SCAPER: variants seen among roughly 807,000 people sequenced by gnomAD.
The protein encoded by SCAPER is S phase cyclin A-associated protein in the endoplasmic reticulum.
In SCAPER, 98 loss-of-function variants were observed where a neutral mutation model predicts 182.2. The ratio of observed to expected loss-of-function variants is 0.54; its 90% CI spans 0.46 to 0.64. SCAPER has a LOEUF of 0.64. Ranked by LOEUF, SCAPER falls within the 30% of genes least tolerant of loss-of-function variation. The pLI, the probability that SCAPER is intolerant of heterozygous loss-of-function variation, is 0.00. For missense variants in SCAPER, 1,432 were observed against 1,690.0 expected (o/e 0.85, Z 2.68); for synonymous variants, 605 against 564.6 (o/e 1.07, Z -1.01).
chr15:76,823,349 A>G (rs1474205668), intron 5 of SCAPER, among the ~76,000 whole-genome samples: 1 of 151,996 alleles, frequency 6.6e-6, no homozygotes, highest in African/African-American at 2.4e-5. Flanking sequence ...AATCCCAGCT[A>G]CTCGGGAGGC....
chr15:76,889,157 T>C (rs1055393228), intron 1 of SCAPER, among the ~76,000 whole-genome samples: 1 of 152,182 alleles, frequency 6.6e-6, no homozygotes, highest in Non-Finnish European at 1.5e-5. Context: ...AGGCCTGCCT[T>C]ATAAGAGCTC....
At chr15:76,661,642 T>C (rs1422627884) in intron 21 of SCAPER, among the ~76,000 whole-genome samples, 1 of 152,080 alleles carries the variant, frequency 6.6e-6, no homozygotes, top group Non-Finnish European at 1.5e-5. Flanking sequence ...TACCATCTCA[T>C]GCCGGTCAGA....
At chr15:76,854,152 C>A (rs977711651) in intron 4 of SCAPER, among the ~76,000 whole-genome samples, 15 of 151,964 alleles carry the variant, frequency 9.9e-5, no homozygotes, top group Non-Finnish European at 4.4e-5. Flanking sequence ...ACCTGTAGTC[C>A]CAGCTACTCA....
chr15:76,627,279 T>TA (rs1432084334), intron 21 of SCAPER, among the ~76,000 whole-genome samples: 4 of 152,256 alleles, frequency 2.6e-5, no homozygotes, highest in African/African-American at 9.6e-5. Context: ...CTATTTTTTT[T>TA]ATCTTTATAA....
chr15:76,737,426 GTAAACAATGCTA>G (rs1282255870), intron 15 of SCAPER, among the ~76,000 whole-genome samples: 4 of 152,212 alleles, frequency 2.6e-5, no homozygotes, highest in Non-Finnish European at 5.9e-5. Context: ...AAAATATTCA[GTAAACAATGCTA>G]TAAACAGATG....
At chr15:76,711,171 T>C (rs1241010233) in intron 17 of SCAPER, among the ~76,000 whole-genome samples, 1 of 152,146 alleles carries the variant, frequency 6.6e-6, no homozygotes, top group East Asian at 1.9e-4. Flanking sequence ...ATGAAAACCA[T>C]TGTATATAAA....
At chr15:76,370,004 G>A (rs1012914610) in intron 29 of SCAPER, among the ~76,000 whole-genome samples, 76 of 152,300 alleles carry the variant, frequency 5.0e-4, no homozygotes, top group Middle Eastern at 3.4e-3. Context: ...TAATAGTGAG[G>A]AGCCAAAGTA....
At chr15:76,374,487 GC>G (rs1289033194) in intron 29 of SCAPER, among the ~76,000 whole-genome samples, 2 of 145,806 alleles carry the variant, frequency 1.4e-5, no homozygotes, top group Admixed American at 6.7e-5. Context: ...TGAGTAGGGG[GC>G]TTTTTTTTTT....
At chr15:76,881,714 A>AG (rs1397983814) in intron 2 of SCAPER, among the ~76,000 whole-genome samples, 1 of 152,188 alleles carries the variant, frequency 6.6e-6, no homozygotes, top group Non-Finnish European at 1.5e-5. Flanking sequence ...GTACAGGAGC[A>AG]GGGGGTGAAG....
intron 21 of SCAPER, among the ~76,000 whole-genome samples, chr15:76,651,759 C>G (rs1312831957): frequency 1.3e-5 from 2 of 150,228 alleles, no homozygotes; most frequent in South Asian, 2.2e-4. Context: ...CTCTCCCTAT[C>G]TCATTCTATG....
At chr15:76,451,700 A>ACC (rs1336356537) in intron 25 of SCAPER, among the ~76,000 whole-genome samples, 1 of 152,156 alleles carries the variant, frequency 6.6e-6, no homozygotes, top group Non-Finnish European at 1.5e-5. Flanking sequence ...ATCTCATAAA[A>ACC]CCCCAAGAGG....
chr15:76,485,970 G>C (rs3097984), intron 24 of SCAPER, among the ~76,000 whole-genome samples: 1 of 152,134 alleles, frequency 6.6e-6, no homozygotes, highest in African/African-American at 2.4e-5. Flanking sequence ...TCCTTTGGGA[G>C]GCCGAGGTGG....
intron 22 of SCAPER, among the ~76,000 whole-genome samples, chr15:76,607,616 C>T (rs2050558953): frequency 1.3e-5 from 2 of 152,168 alleles, no homozygotes; most frequent in South Asian, 2.1e-4. Flanking sequence ...GAGTGTTTTC[C>T]AACTTGGTTC....
At chr15:76,755,672 C>A (rs1483131366) in intron 14 of SCAPER, among the ~76,000 whole-genome samples, 1 of 152,106 alleles carries the variant, frequency 6.6e-6, no homozygotes, top group Non-Finnish European at 1.5e-5. Flanking sequence ...GGACTGTGAC[C>A]AAAAGAATAC....
At chr15:76,472,479 C>A (rs1177956450) in intron 24 of SCAPER, 2 of 415,804 alleles carry the variant, frequency 4.8e-6, no homozygotes, top group African/African-American at 2.1e-5. Context: ...TTTACTCCTG[C>A]CTCAGCTTCA....
At chr15:76,431,261 G>T (rs2046840257) in intron 26 of SCAPER, among the ~76,000 whole-genome samples, 1 of 146,774 alleles carries the variant, frequency 6.8e-6, no homozygotes, top group Non-Finnish European at 1.5e-5. Flanking sequence ...AAATTAGTTG[G>T]ATATGCTGTA....
intron 22 of SCAPER, among the ~76,000 whole-genome samples, chr15:76,613,202 G>C (rs1336387904): frequency 2.0e-5 from 3 of 152,192 alleles, no homozygotes; most frequent in Admixed American, 2.0e-4. Context: ...ATGGTGTGGG[G>C]ATAACTGGCT....
chr15:76,435,638 G>T (rs2047151228), intron 25 of SCAPER, among the ~76,000 whole-genome samples: 1 of 152,156 alleles, frequency 6.6e-6, no homozygotes, highest in Non-Finnish European at 1.5e-5. Context: ...TTGGTGTAGG[G>T]TCTACTCCAC....
chr15:76,647,518 G>A (rs1463647740), intron 21 of SCAPER, among the ~76,000 whole-genome samples: 2 of 152,168 alleles, frequency 1.3e-5, no homozygotes, highest in African/African-American at 2.4e-5. Flanking sequence ...ATCGGGGAAG[G>A]GTTAAGTAAC....
Sources: allele counts gnomAD v4.1 joint callset (sites outside exome capture counted in the v4.1 genomes callset), GRCh38; gene constraint gnomAD v4.1.1; transcripts MANE v1.5; gene names NCBI Gene and HGNC (gene_info 2026-07-23, HGNC 2026-07-21).